Variants in MOB1B observed in about 807,000 individuals in gnomAD.
MOB1B encodes the protein MOB kinase activator 1B, also known as MOB1 Mps One Binder homolog B.
In MOB1B, 19 loss-of-function variants were observed where a neutral mutation model predicts 24.4. The observed-to-expected ratio is 0.78, with a 90% confidence interval of 0.54 to 1.14. MOB1B has a LOEUF of 1.14. Among genes scored for constraint, MOB1B ranks in the 50% most tolerant of loss-of-function variants. The pLI is 0.00. For synonymous variants in MOB1B, 76 were observed against 82.1 expected, an observed-to-expected ratio of 0.93 and a Z score of 0.40; for missense variants, 243 against 259.6, an observed-to-expected ratio of 0.94 and a Z score of 0.44.
intron 5 of MOB1B, among the ~76,000 whole-genome samples, chr4:70,981,148 A>G (rs1206734779): frequency 1.3e-5 from 2 of 152,198 alleles, no homozygotes; most frequent in Non-Finnish European, 2.9e-5. Context: ...TATGATATAT[A>G]CCCATTTGTG....
At chr4:70,919,317 A>T (rs1358107753) in intron 1 of MOB1B, among the ~76,000 whole-genome samples, 1 of 132,614 alleles carries the variant, frequency 7.5e-6, no homozygotes, top group Admixed American at 7.3e-5. Context: ...ATAATAATTA[A>T]AAAAAAAAAA....
intron 1 of MOB1B, among the ~76,000 whole-genome samples, chr4:70,923,725 G>A (rs1298868943): frequency 6.6e-6 from 1 of 151,822 alleles, no homozygotes; most frequent in Non-Finnish European, 1.5e-5. Context: ...CAAGGCGGGC[G>A]GATCACAAGA....
At chr4:70,934,719 G>C (rs1283825926) in intron 1 of MOB1B, among the ~76,000 whole-genome samples, 2 of 152,058 alleles carry the variant, frequency 1.3e-5, no homozygotes, top group African/African-American at 4.8e-5. Flanking sequence ...GCATGCCAAA[G>C]TGTTGGGATT....
chr4:70,976,978 C>T (rs1739032583), intron 4 of MOB1B, among the ~76,000 whole-genome samples: 1 of 152,036 alleles, frequency 6.6e-6, no homozygotes, highest in Non-Finnish European at 1.5e-5. Flanking sequence ...CCCTCTCCCT[C>T]TCCCGAGCCT....
At chr4:70,906,647 T>C (rs1044416932) in intron 1 of MOB1B, among the ~76,000 whole-genome samples, 8 of 152,202 alleles carry the variant, frequency 5.3e-5, no homozygotes, top group African/African-American at 1.7e-4. Context: ...ATGATACCTT[T>C]GTGTAGCTTT....
intron 1 of MOB1B, among the ~76,000 whole-genome samples, chr4:70,905,751 AACT>A (rs1735712047): frequency 6.6e-6 from 1 of 151,974 alleles, no homozygotes; most frequent in African/African-American, 2.4e-5. Context: ...AGAAGGAAAG[AACT>A]ACTACTGATT....
In MOB1B at chr4:70,958,788, C is replaced by T. The variant is rs143138026; in HGVS notation, c.15-86C>T. 16 of 1,185,152 alleles carry T rather than the reference C, an allele frequency of 1.4e-5. 1 individual carries two copies. In the African/African-American group the frequency reaches 1.8e-4, roughly 13 times the overall value. 73.4% of individuals were successfully genotyped at this position (1,185,152 alleles called of 1,614,324 possible). A position where few individuals can be genotyped will look rare whatever the true frequency, so the allele number is the denominator to read the frequency against. ...TCTATTGCTGGGATTTAAGCCAATA[C>T]AGTTTAGGTCTAATGCTTGGTGAAT... On this transcript the variant is annotated intron_variant, in intron 1 of 5. Coordinates refer to ENST00000309395, the MANE Select transcript of MOB1B (RefSeq NM_173468.4).
chr4:70,964,152 T>G (rs1321705105), intron 2 of MOB1B, among the ~76,000 whole-genome samples: 1 of 152,206 alleles, frequency 6.6e-6, no homozygotes, highest in Non-Finnish European at 1.5e-5. Context: ...AAAGGAGAAG[T>G]AGACAAATCC....
intron 1 of MOB1B, among the ~76,000 whole-genome samples, chr4:70,939,498 C>T (rs754494806): frequency 5.9e-5 from 9 of 152,264 alleles, no homozygotes; most frequent in Non-Finnish European, 1.0e-4. Context: ...GCCTGGCCAA[C>T]GTGGCAAAAC....
intron 5 of MOB1B, among the ~76,000 whole-genome samples, chr4:70,980,300 C>T (rs752785373): frequency 6.6e-6 from 1 of 152,078 alleles, no homozygotes; most frequent in Non-Finnish European, 1.5e-5. Context: ...AAATGTTGTC[C>T]TAAAGTTTGC....
chr4:70,944,556 A>G (rs1029055739), intron 1 of MOB1B, among the ~76,000 whole-genome samples: 1 of 152,158 alleles, frequency 6.6e-6, no homozygotes, highest in African/African-American at 2.4e-5. Flanking sequence ...CTGTTCTTGC[A>G]TTGCTATAAG....
chr4:70,919,842 A>G (rs1736352186), intron 1 of MOB1B, among the ~76,000 whole-genome samples: 1 of 152,014 alleles, frequency 6.6e-6, no homozygotes, highest in Non-Finnish European at 1.5e-5. Context: ...TATAATGGCA[A>G]CTCTTAGAAA....
intron 1 of MOB1B, among the ~76,000 whole-genome samples, chr4:70,943,728 A>T (rs1204867524): frequency 6.6e-6 from 1 of 152,202 alleles, no homozygotes; most frequent in African/African-American, 2.4e-5. Flanking sequence ...CTATACGTGT[A>T]CCTAAATGGG....
chr4:70,923,150 A>G (rs1242185769), intron 1 of MOB1B, among the ~76,000 whole-genome samples: 3 of 152,144 alleles, frequency 2.0e-5, no homozygotes, highest in African/African-American at 7.2e-5. Flanking sequence ...CCATTTTCCC[A>G]TTAAACAGTA....
intron 1 of MOB1B, among the ~76,000 whole-genome samples, chr4:70,910,618 T>A (rs1735942906): frequency 6.6e-6 from 1 of 151,984 alleles, no homozygotes; most frequent in Non-Finnish European, 1.5e-5. Context: ...ATAGTAACTT[T>A]TAAATTCATA....
intron 1 of MOB1B, among the ~76,000 whole-genome samples, chr4:70,920,559 G>A (rs114117288): frequency 0.051 from 7,720 of 152,212 alleles, 489 homozygotes; most frequent in African/African-American, 0.15. Context: ...AAAACTTTAT[G>A]GAGGAGATAA....
At position 70,958,320 on chromosome 4, in the gene MOB1B, A is replaced by G. The variant is rs1738154842; in HGVS notation, c.15-554A>G. On this transcript the variant is annotated intron_variant, in intron 1 of 5. Coordinates refer to ENST00000309395, the MANE Select transcript of MOB1B (RefSeq NM_173468.4). ...GCTGGGATTACAAGGACCCGCCACC[A>G]TGCCTGGCTAATTTTTTTGCATTTT... Among the ~76,000 whole-genome samples the G allele has an allele frequency of 2.0e-5, 3 of 151,876 alleles. No individual in the cohort carries two copies. The South Asian group carries it at 6.2e-4, about 32-fold the overall frequency.
At chr4:70,964,639 AAG>A (rs1383776496) in intron 2 of MOB1B, among the ~76,000 whole-genome samples, 1 of 152,176 alleles carries the variant, frequency 6.6e-6, no homozygotes, top group Non-Finnish European at 1.5e-5. Flanking sequence ...AGAAAGTTAA[AAG>A]AGGTGAGGCC....
chr4:70,944,262 T>C (rs1162009163), intron 1 of MOB1B, among the ~76,000 whole-genome samples: 4 of 152,240 alleles, frequency 2.6e-5, no homozygotes, highest in African/African-American at 7.2e-5. Flanking sequence ...CTCAAACTCC[T>C]GACCTCAGGT....
Sources: allele counts gnomAD v4.1 joint callset (sites outside exome capture counted in the v4.1 genomes callset), GRCh38; gene constraint gnomAD v4.1.1; transcripts MANE v1.5; gene names NCBI Gene and HGNC (gene_info 2026-07-23, HGNC 2026-07-21).